Variants in KMT2C observed in about 807,000 individuals in gnomAD.
The protein encoded by KMT2C is lysine methyltransferase 2C.
In KMT2C, 88 loss-of-function variants were observed where a neutral mutation model predicts 507.9. The observed-to-expected ratio is 0.17, with a 90% confidence interval of 0.15 to 0.21. KMT2C has a LOEUF of 0.21. Among genes scored for constraint, KMT2C ranks in the 10% least tolerant of loss-of-function variants. KMT2C has a pLI of 1.00. For synonymous variants in KMT2C, 2,049 were observed against 2,080.8 expected (o/e 0.98, Z 0.42); for missense variants, 4,954 against 5,957.8 (o/e 0.83, Z 5.55).
chr7:152,139,149 G>T, intron 57 of KMT2C, 37 bp downstream of exon 57: 1 of 1,602,362 alleles, frequency 6.2e-7, no homozygotes, highest in Non-Finnish European at 8.5e-7. Context: ...GGCCCCACAA[G>T]CAAAAGCACT....
chr7:152,235,016 G>C (rs1284017557), intron 16 of KMT2C, among the ~76,000 whole-genome samples: 1 of 152,120 alleles, frequency 6.6e-6, no homozygotes, highest in Non-Finnish European at 1.5e-5. Context: ...AAATAATTGT[G>C]CTGAAATAAA....
At chr7:152,345,336 C>A (rs976567357) in intron 2 of KMT2C, among the ~76,000 whole-genome samples, 2 of 151,904 alleles carry the variant, frequency 1.3e-5, no homozygotes, top group Non-Finnish European at 2.9e-5. Flanking sequence ...CAGCTACTTG[C>A]GAAGCTGAGG....
At position 152,181,182 on chromosome 7, in the gene KMT2C, C is replaced by T; in HGVS notation, c.6678G>A (p.Arg2226=). Residue 2226 remains arginine, a synonymous_variant, in exon 36 of 59, where the codon AGG becomes AGA. Coordinates refer to ENST00000262189, the MANE Select transcript of KMT2C (RefSeq NM_170606.3). ...VPYSQPPATP[R]PRISEGFTRS... Reference sequence around the variant, plus strand: ...TAGTAAAACCCTCTGAAATCCTTGGCCTTGGTGTTGCTGGTGGCTGAGAGT... The same window carrying T: ...TAGTAAAACCCTCTGAAATCCTTGGTCTTGGTGTTGCTGGTGGCTGAGAGT... 1 of 1,614,004 alleles carries T rather than the reference C, an allele frequency of 6.2e-7. No homozygotes were observed. Among genetic ancestry groups the T allele is most frequent in the Middle Eastern group, 1.6e-4 (1 of 6,062 alleles).
intron 1 of KMT2C, among the ~76,000 whole-genome samples, chr7:152,371,994 C>T (rs1458868125): frequency 6.6e-6 from 1 of 151,356 alleles, no homozygotes; most frequent in African/African-American, 2.4e-5. Flanking sequence ...ATATCACTAC[C>T]AAAAAATCGT....
Position 152,187,199 on chromosome 7 carries a change from A to G in KMT2C, c.5008+63T>C. 3.6e-6 allele frequency: 5 copies of G among 1,379,138 alleles called. No individual in the cohort carries two copies. The South Asian group carries it at 6.2e-5, about 17-fold the overall frequency. 85.4% of individuals were successfully genotyped at this position (1,379,138 alleles called of 1,614,324 possible). A position where few individuals can be genotyped will look rare whatever the true frequency, so the allele number is the denominator to read the frequency against. On this transcript the variant is annotated intron_variant, in intron 33 of 58. Transcript: ENST00000262189. ...AGCTACCTTTCTATTGCAGTTAAAAAAAAAAAAGGTATTGCACATGTGAAA... is the reference window on the plus strand; with the variant it reads ...AGCTACCTTTCTATTGCAGTTAAAAGAAAAAAAGGTATTGCACATGTGAAA...
rs777577307 is a variant in KMT2C at position 152,162,422 on chromosome 7, T to C, written c.11155A>G (p.Lys3719Glu). 1.9e-6 allele frequency: 3 copies of C among 1,614,246 alleles called. No homozygotes were observed. In the South Asian group the frequency reaches 3.3e-5, roughly 18 times the overall value. ...METPAKTEEIKLEKAETESCP... is the reference protein window; with the variant it reads ...METPAKTEEIELEKAETESCP... ...GACTCTGTCTCAGCCTTTTCCAGTT[T>C]TATCTCTTCTGTTTTGGCAGGGGTT... Residue 3719 changes from lysine (K) to glutamate (E), a missense_variant, in exon 43 of 59, where the codon AAA (lysine) becomes GAA (glutamate). Physicochemically the swap from Lys to Glu is moderately conservative, Grantham distance 56. Transcript: ENST00000262189.
intron 1 of KMT2C, among the ~76,000 whole-genome samples, chr7:152,416,922 G>A (rs1245824056): frequency 1.3e-5 from 2 of 150,846 alleles, no homozygotes; most frequent in Non-Finnish European, 2.9e-5. Context: ...GGTGGCACAC[G>A]CCTGTAATCC....
rs2129108535 is a variant in KMT2C, at chr7:152,171,287, G to C, written c.9430C>G (p.Leu3144Val). ...ACCTGAGGAATGGCCTGTGGTCCAA[G>C]GTTCTGTCCTTCACTGTTCTGTGTT... ...TGTQNSEGQNLGPQAIPQDGS... is the reference protein window; with the variant it reads ...TGTQNSEGQNVGPQAIPQDGS... The change falls in exon 40 of 59, where the codon CTT becomes GTT. Residue 3144 changes from leucine (L) to valine (V), a missense_variant. By Grantham distance (32) the Leu-to-Val change is conservative. Transcript: ENST00000262189. 3.1e-6 allele frequency: 5 copies of C among 1,609,608 alleles called. No homozygotes were observed. Among genetic ancestry groups the C allele is most frequent in the Non-Finnish European group, 4.2e-6 (5 of 1,177,886 alleles).
intron 1 of KMT2C, among the ~76,000 whole-genome samples, chr7:152,399,319 A>C (rs1356223612): frequency 3.9e-5 from 6 of 152,200 alleles, no homozygotes; most frequent in Non-Finnish European, 4.4e-5. Context: ...ATATACATTT[A>C]TCTCTCTTCA....
chr7:152,426,365 G>A (rs965403428), intron 1 of KMT2C, among the ~76,000 whole-genome samples: 2 of 150,404 alleles, frequency 1.3e-5, no homozygotes, highest in African/African-American at 4.9e-5. Flanking sequence ...AGCCTCCCAA[G>A]TAACTGGAGC....
At chr7:152,386,330 T>C (rs1313600404) in intron 1 of KMT2C, among the ~76,000 whole-genome samples, 2 of 152,298 alleles carry the variant, frequency 1.3e-5, no homozygotes, top group Non-Finnish European at 2.9e-5. Context: ...GAAGTTTTCA[T>C]TATCATCCCC....
At chr7:152,384,719 T>A (rs549432391) in intron 1 of KMT2C, among the ~76,000 whole-genome samples, 2 of 152,420 alleles carry the variant, frequency 1.3e-5, no homozygotes, top group African/African-American at 2.4e-5. Context: ...AATAATAATT[T>A]TAAAAATTTA....
intron 9 of KMT2C, among the ~76,000 whole-genome samples, chr7:152,262,231 G>C (rs1449887951): frequency 2.6e-5 from 4 of 152,104 alleles, no homozygotes; most frequent in African/African-American, 9.7e-5. Flanking sequence ...GCAGTTCCAA[G>C]AAGAGCAATG....
chr7:152,153,965 T>G, intron 48 of KMT2C, 45 bp downstream of exon 48: 1 of 1,593,384 alleles, frequency 6.3e-7, no homozygotes. Context: ...TCTTTGAAAA[T>G]TGGGGACATA....
At chr7:152,391,290 G>A (rs2116549846) in intron 1 of KMT2C, among the ~76,000 whole-genome samples, 1 of 150,996 alleles carries the variant, frequency 6.6e-6, no homozygotes, top group African/African-American at 2.4e-5. Flanking sequence ...CCAGGCTGAA[G>A]TGCACTGACT....
At chr7:152,152,235 G>T (rs185399511) in intron 49 of KMT2C, among the ~76,000 whole-genome samples, 4 of 152,194 alleles carry the variant, frequency 2.6e-5, no homozygotes, top group Admixed American at 1.3e-4. Flanking sequence ...CTCAGAGATG[G>T]GGGGCATGAA....
intron 8 of KMT2C, among the ~76,000 whole-genome samples, chr7:152,263,364 T>C (rs1197177430): frequency 6.6e-6 from 1 of 152,208 alleles, no homozygotes; most frequent in Non-Finnish European, 1.5e-5. Context: ...TTAGGATTCC[T>C]GCAAAGGAGG....
chr7:152,144,949 C>A lies in KMT2C; in HGVS notation c.14175-68G>T. On this transcript the variant is annotated intron_variant, in intron 54 of 58. Transcript: ENST00000262189. This position sits in a 1 kb window ranked among gnomAD's most constrained non-coding sequence, Gnocchi z 4.4. ...ACTGAAGATACCTCTGAGTAATGCCCAAAACCAGGTTAATTCAGATTCTTA... is the reference window on the plus strand; with the variant it reads ...ACTGAAGATACCTCTGAGTAATGCCAAAAACCAGGTTAATTCAGATTCTTA... 1 of 1,484,634 alleles carries A rather than the reference C, an allele frequency of 6.7e-7. No individual in the cohort carries two copies. Among genetic ancestry groups the A allele is most frequent in the Non-Finnish European group, 9.1e-7 (1 of 1,098,060 alleles). The allele number at this position is 1,484,634 out of a possible 1,614,324, so 92.0% of individuals were successfully genotyped here. A position where few individuals can be genotyped will look rare whatever the true frequency, so the allele number is the denominator to read the frequency against.
At chr7:152,283,590 G>A (rs147484806) in intron 6 of KMT2C, among the ~76,000 whole-genome samples, 2,550 of 81,004 alleles carry the variant, frequency 0.031, no homozygotes, top group Middle Eastern at 0.094. Context: ...CAGATAAAAC[G>A]AGTTTCTCCA....
Sources: gnomAD v4.1 joint callset for allele counts (sites outside exome capture counted in the v4.1 genomes callset) on GRCh38, gnomAD v4.1.1 for gene constraint, Gnocchi (gnomAD v3.1) non-coding constraint, MANE v1.5 for transcripts, NCBI Gene and HGNC (gene_info 2026-07-23, HGNC 2026-07-21) for gene names.